Variants in AGMO observed in about 807,000 individuals in gnomAD.
AGMO encodes the protein glyceryl-ether monooxygenase.
A neutral mutation model predicts 60.2 loss-of-function variants in AGMO; 75 were observed. The ratio of observed to expected loss-of-function variants is 1.25; its 90% CI spans 1.03 to 1.51. AGMO has a LOEUF of 1.51. Among genes scored for constraint, AGMO ranks in the 40% most tolerant of loss-of-function variants. The pLI is 0.00. For synonymous variants in AGMO, 261 were observed against 177.1 expected, an observed-to-expected ratio of 1.47 and a Z score of -3.76; for missense variants, 763 against 525.5, an observed-to-expected ratio of 1.45 and a Z score of -4.42.
intron 3 of AGMO, among the ~76,000 whole-genome samples, chr7:15,474,653 T>TA (rs1308244728): frequency 6.6e-6 from 1 of 152,110 alleles, no homozygotes; most frequent in Non-Finnish European, 1.5e-5. Flanking sequence ...ACTTCATGAC[T>TA]AATACACCAA....
At chr7:15,233,012 T>A (rs1254820389) in intron 12 of AGMO, among the ~76,000 whole-genome samples, 1 of 152,148 alleles carries the variant, frequency 6.6e-6, no homozygotes, top group Admixed American at 6.6e-5. Context: ...AATGATTGCA[T>A]AGATGGAATT....
At chr7:15,345,280 G>T (rs1781993574) in intron 12 of AGMO, among the ~76,000 whole-genome samples, 1 of 151,958 alleles carries the variant, frequency 6.6e-6, no homozygotes, top group African/African-American at 2.4e-5. Context: ...CCATTTTATG[G>T]AACACTCCAG....
intron 6 of AGMO, among the ~76,000 whole-genome samples, chr7:15,392,516 T>C (rs1050280809): frequency 6.6e-6 from 1 of 152,044 alleles, no homozygotes; most frequent in Admixed American, 6.5e-5. Flanking sequence ...AAAAATGCTT[T>C]TAGGCTGGGT....
intron 2 of AGMO, among the ~76,000 whole-genome samples, chr7:15,549,529 A>G (rs996013210): frequency 2.6e-5 from 4 of 151,926 alleles, no homozygotes; most frequent in Admixed American, 2.0e-4. Flanking sequence ...AGTCTCTGAT[A>G]GAACAGACTT....
At chr7:15,178,298 T>C in the AGMO span, among the ~76,000 whole-genome samples, 1 of 152,202 alleles carries the variant, frequency 6.6e-6, no homozygotes, top group African/African-American at 2.4e-5. Flanking sequence ...CATTGATAGA[T>C]TGGCTGATAC....
chr7:15,291,869 G>T (rs879839161), intron 12 of AGMO, among the ~76,000 whole-genome samples: 2 of 152,168 alleles, frequency 1.3e-5, no homozygotes, highest in Non-Finnish European at 2.9e-5. Context: ...TCCTTCTGGA[G>T]AAGAAAGGGA....
At chr7:15,386,208 C>G (rs1783906771) in intron 9 of AGMO, among the ~76,000 whole-genome samples, 1 of 148,574 alleles carries the variant, frequency 6.7e-6, no homozygotes, top group African/African-American at 2.5e-5. Context: ...AAAAGGTGAT[C>G]TTGGCAGTGT....
the AGMO span, among the ~76,000 whole-genome samples, chr7:15,161,768 G>C: frequency 6.6e-6 from 1 of 151,580 alleles, no homozygotes; most frequent in Non-Finnish European, 1.5e-5. Context: ...CACCCTATTG[G>C]TTCTGTTTCT....
intron 10 of AGMO, among the ~76,000 whole-genome samples, chr7:15,371,556 G>C (rs942535848): frequency 6.6e-6 from 1 of 151,736 alleles, no homozygotes; most frequent in Non-Finnish European, 1.5e-5. Context: ...TTACATACCC[G>C]ACTAATTTTT....
chr7:15,502,042 C>T (rs904753158), intron 3 of AGMO, among the ~76,000 whole-genome samples: 1 of 152,030 alleles, frequency 6.6e-6, no homozygotes, highest in Non-Finnish European at 1.5e-5. Flanking sequence ...AGAATCTAAG[C>T]CCGAATCTCA....
Position 15,390,751 on chromosome 7 carries a change from C to A in AGMO, c.743-1G>T. ...TTTTCATTTTCTGCTTCAAATGTCCCTGGAAGATAAATATAAAGATATGAG... is the reference window on the plus strand; with the variant it reads ...TTTTCATTTTCTGCTTCAAATGTCCATGGAAGATAAATATAAAGATATGAG... On this transcript the variant is annotated splice_acceptor_variant, in intron 7 of 12. Coordinates refer to ENST00000342526, the MANE Select transcript of AGMO (RefSeq NM_001004320.2). LOFTEE classifies it high-confidence loss of function. 6.2e-7 allele frequency: 1 copy of A among 1,607,058 alleles called. No individual in the cohort carries two copies. Among genetic ancestry groups the A allele is most frequent in the Non-Finnish European group, 8.5e-7 (1 of 1,174,690 alleles).
chr7:15,328,168 T>G (rs1239341887), intron 12 of AGMO, among the ~76,000 whole-genome samples: 1 of 151,866 alleles, frequency 6.6e-6, no homozygotes, highest in African/African-American at 2.4e-5. Context: ...CACAATTTTG[T>G]CTCACTGCAA....
chr7:15,183,140 T>TA, the AGMO span, among the ~76,000 whole-genome samples: 4 of 151,626 alleles, frequency 2.6e-5, no homozygotes, highest in African/African-American at 9.7e-5. Flanking sequence ...TTTTTTTTTT[T>TA]ATAATGATGG....
intron 12 of AGMO, among the ~76,000 whole-genome samples, chr7:15,322,579 TA>T (rs1781172940): frequency 2.4e-5 from 1 of 42,520 alleles, no homozygotes; most frequent in Non-Finnish European, 3.8e-5. Context: ...TATATAAATA[TA>T]TATAAATATA....
At chr7:15,156,225 G>A in the AGMO span, among the ~76,000 whole-genome samples, 1 of 152,218 alleles carries the variant, frequency 6.6e-6, no homozygotes, top group South Asian at 2.1e-4. Context: ...TGCACTGGCA[G>A]GGGTCCATCT....
intron 12 of AGMO, among the ~76,000 whole-genome samples, chr7:15,212,428 T>C (rs1017594908): frequency 3.3e-5 from 5 of 151,986 alleles, no homozygotes; most frequent in Non-Finnish European, 7.4e-5. Context: ...GGCAGAGATG[T>C]TACTGGTGAG....
intron 3 of AGMO, among the ~76,000 whole-genome samples, chr7:15,534,619 A>AATT (rs1437919775): frequency 2.0e-5 from 3 of 151,966 alleles, no homozygotes; most frequent in Non-Finnish European, 4.4e-5. Context: ...AGACAAAGAT[A>AATT]ATTCCATTAC....
intron 3 of AGMO, among the ~76,000 whole-genome samples, chr7:15,434,980 G>A (rs545643915): frequency 5.6e-4 from 85 of 151,152 alleles, no homozygotes; most frequent in African/African-American, 1.7e-3. Flanking sequence ...TTTTGAGTCT[G>A]TTGTCTTTTT....
chr7:15,392,791 T>A (rs879529958), intron 6 of AGMO, among the ~76,000 whole-genome samples: 2 of 137,828 alleles, frequency 1.5e-5, no homozygotes, highest in Non-Finnish European at 3.1e-5. Flanking sequence ...AGAATGAGAC[T>A]CTGTCTCAAA....
Sources: allele counts gnomAD v4.1 joint callset (sites outside exome capture counted in the v4.1 genomes callset), GRCh38; gene constraint gnomAD v4.1.1; transcripts MANE v1.5; gene names NCBI Gene and HGNC (gene_info 2026-07-23, HGNC 2026-07-21).